ACSM6: variants seen among roughly 807,000 people sequenced by gnomAD.
ACSM6 encodes acyl-CoA synthetase medium chain family member 6.
Under a neutral mutation model 51.1 loss-of-function variants are expected in ACSM6, and 35 were observed. The observed-to-expected ratio is 0.69, with a 90% CI of 0.52 to 0.91. The LOEUF is 0.91. Among genes scored for constraint, ACSM6 ranks in the 40% least tolerant of loss-of-function variants. The pLI, the probability that ACSM6 is intolerant of heterozygous loss-of-function variation, is 0.00. For synonymous variants in ACSM6, 172 were observed against 207.3 expected (o/e 0.83, Z 1.46); for missense variants, 509 against 584.1 (o/e 0.87, Z 1.32).
At chr10:95,228,754 T>C in exon 11 of ACSM6, 3 of 1,551,620 alleles carry the variant, frequency 1.9e-6, no homozygotes, top group Non-Finnish European at 2.6e-6. Context: ...GAGTTGATGA[T>C]GTTGCCAATG....
At chr10:95,216,007 C>A (rs2034940371) in intron 8 of ACSM6, among the ~76,000 whole-genome samples, 1 of 152,184 alleles carries the variant, frequency 6.6e-6, no homozygotes, top group Non-Finnish European at 1.5e-5. Context: ...TAGCTCCCTG[C>A]AGCCTCAAAC....
chr10:95,195,287 A>G (rs1226969573), intron 2 of ACSM6, among the ~76,000 whole-genome samples: 1 of 152,240 alleles, frequency 6.6e-6, no homozygotes, highest in Non-Finnish European at 1.5e-5. Context: ...TTGATAAAGG[A>G]GGTGGTATTT....
intron 3 of ACSM6, among the ~76,000 whole-genome samples, chr10:95,205,360 G>C (rs2034830693): frequency 6.6e-6 from 1 of 152,232 alleles, no homozygotes; most frequent in African/African-American, 2.4e-5. Context: ...GGAAGTCCAA[G>C]ATCAAGGCAG....
intron 8 of ACSM6, among the ~76,000 whole-genome samples, chr10:95,218,819 G>C (rs1445313017): frequency 2.0e-5 from 3 of 152,180 alleles, no homozygotes; most frequent in African/African-American, 7.2e-5. Context: ...CATAAAACTA[G>C]TTACTGCGGT....
exon 2 of ACSM6, chr10:95,194,638 T>A: frequency 1.3e-6 from 2 of 1,552,222 alleles, no homozygotes; most frequent in Non-Finnish European, 1.7e-6. Context: ...ACTTTAATTT[T>A]GCAAAGGATG....
rs2034980143 is a variant in ACSM6, at chr10:95,219,887, A to G, written c.1120-4A>G. Reference sequence around the variant, plus strand: ...GAAAAACTTGTCTGCATTTCTTTGAACAGGGTCTACTCTGTGCCACTTCCA... The same window carrying G: ...GAAAAACTTGTCTGCATTTCTTTGAGCAGGGTCTACTCTGTGCCACTTCCA... On this transcript the variant is annotated splice_polypyrimidine_tract_variant and splice_region_variant and intron_variant, in intron 8 of 10. Transcript: ENST00000341686. The G allele has an allele frequency of 3.1e-6, 5 of 1,609,060 alleles. No homozygotes were observed. The highest frequency in any genetic ancestry group is 2.5e-6 in the Non-Finnish European group (3 of 1,178,284).
At chr10:95,204,844 C>T (rs1324724928) in intron 3 of ACSM6, among the ~76,000 whole-genome samples, 1 of 152,130 alleles carries the variant, frequency 6.6e-6, no homozygotes, top group Non-Finnish European at 1.5e-5. Flanking sequence ...ATGTACTACA[C>T]TTAATGAAAT....
chr10:95,217,370 A>AGAAAAT (rs2034957261), intron 8 of ACSM6, among the ~76,000 whole-genome samples: 1 of 151,902 alleles, frequency 6.6e-6, no homozygotes, highest in African/African-American at 2.4e-5. Flanking sequence ...AAAAAGAAAA[A>AGAAAAT]GAAAATAGGG....
chr10:95,225,227 G>A (rs1589499252), intron 9 of ACSM6, 63 bp from the exon 10 acceptor site: 1 of 1,155,090 alleles, frequency 8.7e-7, no homozygotes, highest in Admixed American at 2.1e-5. Flanking sequence ...AGATCTTGTG[G>A]TGTTTTAGGA....
Position 95,202,146 on chromosome 10 carries a change from GCCCC to G in ACSM6, c.356_359del (p.Pro119GlnfsTer26). ...ATGGAGACCGGCTGATGATAATCTT[GCCCC>G]CAACACCTGAAGCCTACTGGATCTG... On this transcript the variant is annotated frameshift_variant, in exon 3 of 11. Transcript: ENST00000341686. LOFTEE classifies it high-confidence loss of function. 1 of 1,552,254 alleles carries G rather than the reference GCCCC, an allele frequency of 6.4e-7. No individual in the cohort carries two copies. The highest frequency in any genetic ancestry group is 8.7e-7 in the Non-Finnish European group (1 of 1,147,114).
intron 6 of ACSM6, 50 bp downstream of exon 6, chr10:95,212,084 G>A: frequency 1.2e-6 from 2 of 1,606,998 alleles, no homozygotes. Flanking sequence ...CCAGAGAGAG[G>A]CATTAGCAAT....
At chr10:95,217,580 A>G (rs2034959953) in intron 8 of ACSM6, among the ~76,000 whole-genome samples, 1 of 152,190 alleles carries the variant, frequency 6.6e-6, no homozygotes, top group Admixed American at 6.5e-5. Flanking sequence ...TACTGTTTTT[A>G]TTAATTATAC....
exon 6 of ACSM6, chr10:95,211,909 T>C: frequency 6.2e-7 from 1 of 1,612,738 alleles, no homozygotes; most frequent in Non-Finnish European, 8.5e-7. Context: ...AACAGATGTC[T>C]TGTGGAGTCT....
At chr10:95,222,394 G>A (rs1271927978) in intron 9 of ACSM6, among the ~76,000 whole-genome samples, 5 of 152,156 alleles carry the variant, frequency 3.3e-5, no homozygotes. Context: ...AGGCCAAGGT[G>A]GGCAGATCAC....
intron 9 of ACSM6, among the ~76,000 whole-genome samples, chr10:95,224,851 T>A (rs888770012): frequency 1.3e-5 from 2 of 152,258 alleles, no homozygotes; most frequent in Non-Finnish European, 2.9e-5. Context: ...TTCTTATACA[T>A]AAGATGGCTA....
At chr10:95,207,269 C>A (rs766911844) in exon 4 of ACSM6, 1 of 1,614,116 alleles carries the variant, frequency 6.2e-7, no homozygotes, top group Non-Finnish European at 8.5e-7. Context: ...ATCAATTACG[C>A]ATGTCTAAGG....
chr10:95,203,492 T>A (rs2034813879), intron 3 of ACSM6, among the ~76,000 whole-genome samples: 1 of 152,096 alleles, frequency 6.6e-6, no homozygotes, highest in Non-Finnish European at 1.5e-5. Context: ...CTGCTCTTCA[T>A]CCAGTATTAG....
In ACSM6 at chr10:95,220,253, G is replaced by A. The variant is rs369451518; in HGVS notation, c.1200+282G>A. ...ATGGAGAAATCGAATAAAAAAAATTGCTATTAAAAAGATATGTGCAAAATA... is the reference window on the plus strand; with the variant it reads ...ATGGAGAAATCGAATAAAAAAAATTACTATTAAAAAGATATGTGCAAAATA... On this transcript the variant is annotated intron_variant, in intron 9 of 10. Coordinates refer to ENST00000341686, the Ensembl canonical transcript of ACSM6. Among the ~76,000 whole-genome samples, 22 of 152,204 alleles carry A rather than the reference G, an allele frequency of 1.4e-4. No homozygotes were observed. In the East Asian group the frequency reaches 2.9e-3, roughly 20 times the overall value.
intron 7 of ACSM6, 52 bp from the exon 8 acceptor site, chr10:95,214,800 T>C: frequency 6.5e-7 from 1 of 1,534,762 alleles, no homozygotes; most frequent in Non-Finnish European, 8.8e-7. Context: ...ACAGACCTGT[T>C]ATTGGTAGAA....
Sources: gnomAD v4.1 joint callset for allele counts (sites outside exome capture counted in the v4.1 genomes callset) on GRCh38, gnomAD v4.1.1 for gene constraint, MANE v1.5 for transcripts, NCBI Gene and HGNC (gene_info 2026-07-23, HGNC 2026-07-21) for gene names.